NT5E: variants seen among roughly 807,000 people sequenced by gnomAD.
NT5E encodes the protein 5'-nucleotidase.
A neutral mutation model predicts 55.1 loss-of-function variants in NT5E; 53 were observed. The ratio of observed to expected loss-of-function variants is 0.96; its 90% CI spans 0.77 to 1.21. NT5E has a LOEUF of 1.21. NT5E is among the 50% of genes most tolerant of loss of function. NT5E has a pLI of 0.00. For missense variants in NT5E, 683 were observed against 724.3 expected, an observed-to-expected ratio of 0.94 and a Z score of 0.65; for synonymous variants, 270 against 278.4, an observed-to-expected ratio of 0.97 and a Z score of 0.30.
At chr6:85,478,679 GAAC>G (rs1437330784) in intron 3 of NT5E, among the ~76,000 whole-genome samples, 1 of 151,214 alleles carries the variant, frequency 6.6e-6, no homozygotes, top group African/African-American at 2.4e-5. Context: ...GATAATATAT[GAAC>G]AAAATATATA....
intron 7 of NT5E, chr6:85,491,353 T>G: frequency 3.0e-6 from 1 of 337,608 alleles, no homozygotes; most frequent in South Asian, 2.3e-5. Flanking sequence ...TTTTTTAACC[T>G]TAGGTTGTGG....
Position 85,495,099 on chromosome 6 carries a change from C to A in NT5E, c.*1095C>A, listed in dbSNP as rs529131670. ...GAATTCATTCTACTCATACTACACA[C>A]CCAGTTATGGAATGTCCAGAGTTCT... On this transcript the variant is annotated 3_prime_UTR_variant, in exon 9 of 9. Coordinates refer to ENST00000257770, the MANE Select transcript of NT5E (RefSeq NM_002526.4). 3.9e-5 allele frequency: 6 copies of A among 152,202 alleles called. No homozygotes were observed. The highest frequency in any genetic ancestry group is 3.9e-4 in the Admixed American group (6 of 15,272). 9.4% of individuals were successfully genotyped at this position (152,202 alleles called of 1,614,324 possible). A position where few individuals can be genotyped will look rare whatever the true frequency, so the allele number is the denominator to read the frequency against.
chr6:85,483,181 G>A (rs1175644729), intron 3 of NT5E, among the ~76,000 whole-genome samples: 1 of 152,210 alleles, frequency 6.6e-6, no homozygotes, highest in African/African-American at 2.4e-5. Context: ...AAAAGATCAG[G>A]CTTGCCTAGC....
Position 85,490,624 on chromosome 6 carries a change from G to T in NT5E, c.1327G>T (p.Gly443Cys). The change falls in exon 7 of 9, where the codon GGC becomes TGC. Residue 443 changes from glycine (G) to cysteine (C), a missense_variant. Gly to Cys is a radical substitution (Grantham distance 159). Coordinates refer to ENST00000257770, the MANE Select transcript of NT5E (RefSeq NM_002526.4). Reference protein sequence around the residue: ...KAFEHSVHRYGQSTGEFLQVG... With the variant: ...KAFEHSVHRYCQSTGEFLQVG... ...CTTTGAGCATAGCGTGCACCGCTACGGCCAGTCCACTGGAGAGTTCCTGCA... is the reference window on the plus strand; with the variant it reads ...CTTTGAGCATAGCGTGCACCGCTACTGCCAGTCCACTGGAGAGTTCCTGCA... 1 of 1,614,110 alleles carries T rather than the reference G, an allele frequency of 6.2e-7. No individual in the cohort carries two copies. Among genetic ancestry groups the T allele is most frequent in the Non-Finnish European group, 8.5e-7 (1 of 1,180,020 alleles).
At chr6:85,490,138 G>A (rs1278672826) in intron 6 of NT5E, among the ~76,000 whole-genome samples, 8 of 152,178 alleles carry the variant, frequency 5.3e-5, no homozygotes, top group East Asian at 1.9e-4. Flanking sequence ...GGCCCCAAAC[G>A]CATCCCATTG....
chr6:85,450,292 C>T lies in NT5E; in HGVS notation c.153C>T (p.Cys51=). ...AGACCAGCGAGGACTCCAGCAAGTG[C>T]GTCAACGCCAGCCGCTGCATGGGTG... ...LEQTSEDSSK[C]VNASRCMGGV... Residue 51 remains cysteine, a synonymous_variant, in exon 1 of 9, where the codon TGC becomes TGT. Coordinates refer to ENST00000257770, the MANE Select transcript of NT5E (RefSeq NM_002526.4). The surrounding 1 kb of genome is among the most constrained non-coding windows in gnomAD (Gnocchi z 4.0). The T allele has an allele frequency of 1.2e-6, 2 of 1,606,556 alleles. No individual in the cohort carries two copies. Among genetic ancestry groups the T allele is most frequent in the Non-Finnish European group, 8.5e-7 (1 of 1,177,612 alleles).
In NT5E at chr6:85,450,244, CG is replaced by C; in HGVS notation, c.106del (p.Asp36ThrfsTer70). On this transcript the variant is annotated frameshift_variant, in exon 1 of 9. Transcript: ENST00000257770. LOFTEE classifies it high-confidence loss of function. The surrounding 1 kb of genome is among the most constrained non-coding windows in gnomAD (Gnocchi z 4.0). ...GGGAGCTTACGATTTTGCACACCAA[CG>C]ACGTGCACAGCCGGCTGGAGCAGAC... ...AWELTILHTN[D>X]VHSRLEQTSE... The C allele has an allele frequency of 6.2e-7, 1 of 1,610,120 alleles. No individual in the cohort carries two copies. Among genetic ancestry groups the C allele is most frequent in the Non-Finnish European group, 8.5e-7 (1 of 1,179,182 alleles).
intron 1 of NT5E, among the ~76,000 whole-genome samples, chr6:85,458,704 C>A (rs1329614349): frequency 6.6e-6 from 1 of 152,176 alleles, no homozygotes; most frequent in Non-Finnish European, 1.5e-5. Flanking sequence ...TTAGCTGGAG[C>A]CCTCTAGCCC....
rs922710238 is a variant in NT5E at position 85,450,192 on chromosome 6, C to A, written c.53C>A (p.Ala18Glu). ...GCGACGCTACTCCTCGCCCTGGGCGCGGTGCTGTGGCCTGCGGCTGGCGCC... is the reference window on the plus strand; with the variant it reads ...GCGACGCTACTCCTCGCCCTGGGCGAGGTGCTGTGGCCTGCGGCTGGCGCC... ...APATLLLALG[A>E]VLWPAAGAWE... The change falls in exon 1 of 9, where the codon GCG (alanine) becomes GAG (glutamate). Residue 18 changes from alanine (A) to glutamate (E), a missense_variant. Transcript: ENST00000257770. The surrounding 1 kb of genome is among the most constrained non-coding windows in gnomAD (Gnocchi z 4.0). 1 of 1,608,530 alleles carries A rather than the reference C, an allele frequency of 6.2e-7. No individual in the cohort carries two copies. Among genetic ancestry groups the A allele is most frequent in the East Asian group, 2.2e-5 (1 of 44,740 alleles).
rs1424148505 is a variant in NT5E at position 85,485,391 on chromosome 6, C to T, written c.908C>T (p.Ser303Phe). The T allele has an allele frequency of 6.2e-7, 1 of 1,614,214 alleles. No homozygotes were observed. The highest frequency in any genetic ancestry group is 1.1e-5 in the South Asian group (1 of 91,086). ...EFDERGNVIS[S>F]HGNPILLNSS... The stretch of plus-strand genomic sequence containing the variant: ...GATGAAAGAGGAAACGTCATCTCTT[C>T]CCATGGAAATCCCATTCTTCTAAAC... The change falls in exon 4 of 9, where the codon TCC (serine) becomes TTC (phenylalanine). Residue 303 changes from serine (S) to phenylalanine (F), a missense_variant. Physicochemically the swap from Ser to Phe is radical, Grantham distance 155. Coordinates refer to ENST00000257770, the MANE Select transcript of NT5E (RefSeq NM_002526.4).
intron 3 of NT5E, among the ~76,000 whole-genome samples, chr6:85,476,984 G>A (rs1436383110): frequency 1.3e-5 from 2 of 152,150 alleles, no homozygotes; most frequent in Non-Finnish European, 2.9e-5. Context: ...TTTGGGCCAC[G>A]GGTCCAGGCT....
Position 85,494,149 on chromosome 6 carries a change from G to A in NT5E, c.*145G>A. The stretch of plus-strand genomic sequence containing the variant: ...GAAGGTTAGAGCATTATAAAATGAA[G>A]AGACAGACATGATTACTCAGGGTCA... On this transcript the variant is annotated 3_prime_UTR_variant, in exon 9 of 9. Coordinates refer to ENST00000257770, the MANE Select transcript of NT5E (RefSeq NM_002526.4). 1 of 796,938 alleles carries A rather than the reference G, an allele frequency of 1.3e-6. No homozygotes were observed. Among genetic ancestry groups the A allele is most frequent in the Non-Finnish European group, 2.0e-6 (1 of 492,114 alleles). The allele number at this position is 796,938 out of a possible 1,614,324, so 49.4% of individuals were successfully genotyped here. A position where few individuals can be genotyped will look rare whatever the true frequency, so the allele number is the denominator to read the frequency against.
In NT5E at chr6:85,475,133, C is replaced by T. The variant is rs1365739985; in HGVS notation, c.751+3708C>T. On this transcript the variant is annotated intron_variant, in intron 3 of 8. Transcript: ENST00000257770. Reference sequence around the variant, plus strand: ...AAAAATACAGTTAAAATAATACATCCCTTGGAATTTTAAATCTTACTGAGA... The same window carrying T: ...AAAAATACAGTTAAAATAATACATCTCTTGGAATTTTAAATCTTACTGAGA... Among the ~76,000 whole-genome samples the T allele has an allele frequency of 6.6e-5, 10 of 152,160 alleles. No homozygotes were observed. The South Asian group carries it at 1.9e-3, about 28-fold the overall frequency.
At chr6:85,458,890 T>G (rs752280090) in intron 1 of NT5E, among the ~76,000 whole-genome samples, 1 of 152,172 alleles carries the variant, frequency 6.6e-6, no homozygotes, top group Non-Finnish European at 1.5e-5. Context: ...CCAAACCCAG[T>G]TGCAGCTGGG....
intron 1 of NT5E, among the ~76,000 whole-genome samples, chr6:85,458,174 A>T (rs906861743): frequency 2.0e-5 from 3 of 152,238 alleles, no homozygotes; most frequent in Non-Finnish European, 4.4e-5. Flanking sequence ...AAAAATTAGC[A>T]ATACTAGTTT....
chr6:85,466,170 C>A (rs1172279099), intron 1 of NT5E, among the ~76,000 whole-genome samples: 1 of 151,916 alleles, frequency 6.6e-6, no homozygotes, highest in Non-Finnish European at 1.5e-5. Context: ...TCCCTCCACT[C>A]CCCCCCAGCC....
At position 85,475,803 on chromosome 6, in the gene NT5E, T is replaced by C. The variant is rs971249466; in HGVS notation, c.751+4378T>C. Among the ~76,000 whole-genome samples the C allele has an allele frequency of 6.3e-4, 96 of 152,176 alleles. 2 individuals are homozygous for C. Among genetic ancestry groups the C allele is most frequent in the Non-Finnish European group, 1.8e-4 (12 of 68,032 alleles). On this transcript the variant is annotated intron_variant, in intron 3 of 8. Transcript: ENST00000257770. ...GGGTGAATATAAGCACCAGTTTCTATAGCCGCAAGTTAAAGGGATTTGAAT... is the reference window on the plus strand; with the variant it reads ...GGGTGAATATAAGCACCAGTTTCTACAGCCGCAAGTTAAAGGGATTTGAAT...
intron 8 of NT5E, 130 bp downstream of exon 8, chr6:85,492,307 A>G: frequency 2.6e-6 from 2 of 772,804 alleles, no homozygotes; most frequent in Non-Finnish European, 4.4e-6. Context: ...GCTTGTTGGA[A>G]AGCAGCAGCA....
At position 85,450,553 on chromosome 6, in the gene NT5E, C is replaced by A; in HGVS notation, c.339+75C>A. The A allele has an allele frequency of 7.3e-7, 1 of 1,369,666 alleles. No individual in the cohort carries two copies. The highest frequency in any genetic ancestry group is 1.0e-6 in the Non-Finnish European group (1 of 985,742). 84.8% of individuals were successfully genotyped at this position (1,369,666 alleles called of 1,614,324 possible). On this transcript the variant is annotated intron_variant, in intron 1 of 8. Transcript: ENST00000257770. This position sits in a 1 kb window ranked among gnomAD's most constrained non-coding sequence, Gnocchi z 4.0. ...GCCGGGCTGGAAAAGCAGCGGATGG[C>A]AGAGTGTGGCAAGCCTAGGTCCAGG...
Sources: allele counts gnomAD v4.1 joint callset (sites outside exome capture counted in the v4.1 genomes callset), GRCh38; gene constraint gnomAD v4.1.1; non-coding constraint Gnocchi (gnomAD v3.1); transcripts MANE v1.5; gene names NCBI Gene and HGNC (gene_info 2026-07-23, HGNC 2026-07-21).